HDAC4: variants seen among roughly 807,000 people sequenced by gnomAD.
HDAC4 encodes the protein histone deacetylase 4.
In HDAC4, 16 loss-of-function variants were observed where a neutral mutation model predicts 135.1. That is an observed-to-expected ratio of 0.12 (90% CI 0.08 to 0.18). HDAC4 has a LOEUF of 0.18. Ranked by LOEUF, HDAC4 falls within the 10% of genes least tolerant of loss-of-function variation. The pLI is 1.00. For missense variants in HDAC4, 1,143 were observed against 1,511.8 expected (o/e 0.76, Z 4.05); for synonymous variants, 685 against 653.4 (o/e 1.05, Z -0.74).
chr2:239,145,725 G>GATTAAAT lies in HDAC4; in HGVS notation c.734-1012_734-1011insATTTAAT, dbSNP rs369820935. Among the ~76,000 whole-genome samples the GATTAAAT allele has an allele frequency of 4.5e-3, 678 of 152,338 alleles. 3 individuals carry two copies. Among genetic ancestry groups the GATTAAAT allele is most frequent in the Middle Eastern group, 0.031 (9 of 294 alleles). ...TAGGGAGATTTTACCTCTTCTTAAA[G>GATTAAAT]AATCAGCACTCCTGCTGTTCTTAAT... On this transcript the variant is annotated intron_variant, in intron 7 of 26. Coordinates refer to ENST00000543185, the MANE Select transcript of HDAC4 (RefSeq NM_001378414.1).
At chr2:239,156,804 T>C in intron 6 of HDAC4, 31 bp from the exon 7 acceptor site, 1 of 1,613,762 alleles carries the variant, frequency 6.2e-7, no homozygotes, top group Non-Finnish European at 8.5e-7. Context: ...GATGGTTTAG[T>C]TTACCCAGCG....
At chr2:239,316,219 C>G (rs1434135053) in intron 2 of HDAC4, among the ~76,000 whole-genome samples, 1 of 152,170 alleles carries the variant, frequency 6.6e-6, no homozygotes, top group Non-Finnish European at 1.5e-5. Context: ...TATAAGTTTC[C>G]TATAGGAAAT....
chr2:239,075,506 C>T (rs2034652375), intron 22 of HDAC4, among the ~76,000 whole-genome samples: 1 of 152,136 alleles, frequency 6.6e-6, no homozygotes, highest in African/African-American at 2.4e-5. Context: ...TAAGGTGCAC[C>T]CCTGGGGCCG....
At chr2:239,274,190 G>A (rs959627990) in intron 2 of HDAC4, among the ~76,000 whole-genome samples, 2 of 152,156 alleles carry the variant, frequency 1.3e-5, no homozygotes, top group Non-Finnish European at 2.9e-5. Context: ...AGATTTGGAC[G>A]GGGGTATCAC....
At chr2:239,321,440 G>A (rs1289347902) in intron 2 of HDAC4, among the ~76,000 whole-genome samples, 1 of 127,570 alleles carries the variant, frequency 7.8e-6, no homozygotes, top group Non-Finnish European at 1.6e-5. Flanking sequence ...ACTCCAGCCT[G>A]GGTGAAAGAG....
rs116820461 is a variant in HDAC4 at position 239,188,629 on chromosome 2, G to A, written c.339+1204C>T. Among the ~76,000 whole-genome samples the A allele has an allele frequency of 1.4e-3, 218 of 152,342 alleles. 1 individual carries two copies. Among genetic ancestry groups the A allele is most frequent in the African/African-American group, 4.8e-3 (199 of 41,582 alleles). On this transcript the variant is annotated intron_variant, in intron 4 of 26. Transcript: ENST00000543185. ...ACGAACCACGTGTGGCTCGAAATGC[G>A]GCTGGCCTGAATGGAGACATGCCCT...
chr2:239,365,894 G>T (rs1390171537), intron 1 of HDAC4, among the ~76,000 whole-genome samples: 1 of 149,198 alleles, frequency 6.7e-6, no homozygotes, highest in Non-Finnish European at 1.5e-5. Context: ...GACACACAGA[G>T]ACATGCAGGC....
At chr2:239,189,356 T>C (rs964766070) in intron 4 of HDAC4, among the ~76,000 whole-genome samples, 4 of 152,182 alleles carry the variant, frequency 2.6e-5, no homozygotes, top group Non-Finnish European at 5.9e-5. Context: ...CCAAAAAAAG[T>C]CTTTTTTTTC....
chr2:239,137,233 C>T (rs146890946), intron 9 of HDAC4, among the ~76,000 whole-genome samples: 10 of 152,200 alleles, frequency 6.6e-5, no homozygotes, highest in African/African-American at 2.2e-4. Flanking sequence ...CCGAGCCCTG[C>T]GGGAGGCATT....
chr2:239,340,059 G>A (rs1185352191), intron 2 of HDAC4, among the ~76,000 whole-genome samples: 1 of 152,168 alleles, frequency 6.6e-6, no homozygotes, highest in Non-Finnish European at 1.5e-5. Flanking sequence ...CCCCACCCCA[G>A]ATACCCTCCT....
intron 3 of HDAC4, among the ~76,000 whole-genome samples, chr2:239,219,937 C>T (rs2046857255): frequency 6.6e-6 from 1 of 152,244 alleles, no homozygotes; most frequent in Non-Finnish European, 1.5e-5. Context: ...CTTGTACACT[C>T]ACGGCAGAGC....
chr2:239,186,220 T>C (rs1443581353), intron 4 of HDAC4, among the ~76,000 whole-genome samples: 1 of 152,166 alleles, frequency 6.6e-6, no homozygotes, highest in African/African-American at 2.4e-5. Context: ...TAAAAGATCC[T>C]ATTTACCCAA....
intron 2 of HDAC4, among the ~76,000 whole-genome samples, chr2:239,284,842 A>C (rs2125427558): frequency 6.6e-6 from 1 of 152,364 alleles, no homozygotes; most frequent in South Asian, 2.1e-4. Context: ...TGGGCTGCAG[A>C]CTGGGGAGAC....
intron 22 of HDAC4, among the ~76,000 whole-genome samples, chr2:239,080,332 CAG>C (rs1399715678): frequency 3.3e-5 from 5 of 152,262 alleles, no homozygotes. Flanking sequence ...CGTTTTCTAA[CAG>C]AGACACGGCA....
intron 2 of HDAC4, among the ~76,000 whole-genome samples, chr2:239,284,193 C>A (rs1319889444): frequency 6.6e-6 from 1 of 152,248 alleles, no homozygotes; most frequent in Admixed American, 6.5e-5. Context: ...GGACTCTCCA[C>A]CAGGACAGTG....
chr2:239,061,592 T>G (rs1366087275), intron 24 of HDAC4, among the ~76,000 whole-genome samples: 1 of 152,152 alleles, frequency 6.6e-6, no homozygotes, highest in Non-Finnish European at 1.5e-5. Context: ...ATGTGTGGTG[T>G]GTGTGTACAA....
In HDAC4 at chr2:239,307,878, C is replaced by A. The variant is rs938058676; in HGVS notation, c.22+44800G>T. Among the ~76,000 whole-genome samples, 2 of 152,196 alleles carry A rather than the reference C, an allele frequency of 1.3e-5. No individual in the cohort carries two copies. Among genetic ancestry groups the A allele is most frequent in the Non-Finnish European group, 2.9e-5 (2 of 68,040 alleles). On this transcript the variant is annotated intron_variant, in intron 2 of 26. Transcript: ENST00000543185. The surrounding 1 kb of genome is among the most constrained non-coding windows in gnomAD (Gnocchi z 4.8). ...CTGTCACACACGTCTCCACGCACCC[C>A]GAGCCACATCACGTTTTGCCACTAT... is the stretch of plus-strand genomic sequence containing the variant.
At chr2:239,100,742 C>T (rs2037537989) in intron 16 of HDAC4, among the ~76,000 whole-genome samples, 1 of 152,154 alleles carries the variant, frequency 6.6e-6, no homozygotes, top group Non-Finnish European at 1.5e-5. Context: ...CTGGTCAAAT[C>T]CACAGAGGGG....
chr2:239,138,809 G>T (rs1013236609), intron 9 of HDAC4, among the ~76,000 whole-genome samples: 6 of 152,346 alleles, frequency 3.9e-5, no homozygotes, highest in African/African-American at 1.2e-4. Context: ...CTCGGGACAC[G>T]TGTGGGATAA....
Sources: gnomAD v4.1 joint callset for allele counts (sites outside exome capture counted in the v4.1 genomes callset) on GRCh38, gnomAD v4.1.1 for gene constraint, Gnocchi (gnomAD v3.1) non-coding constraint, MANE v1.5 for transcripts, NCBI Gene and HGNC (gene_info 2026-07-23, HGNC 2026-07-21) for gene names.